KDM7A: variants seen among roughly 807,000 people sequenced by gnomAD.
KDM7A encodes the protein lysine demethylase 7A, also known as lysine-specific demethylase 7A.
KDM7A carries 28 observed loss-of-function variants against 114.8 expected under a neutral mutation model. The observed-to-expected ratio is 0.24, with a 90% CI of 0.18 to 0.33. The LOEUF (loss-of-function observed/expected upper bound fraction) is 0.33, where lower values mean the gene tolerates loss of function less well. KDM7A is among the 10% of genes least tolerant of loss of function. The pLI, the probability that KDM7A is intolerant of heterozygous loss-of-function variation, is 1.00. For synonymous variants in KDM7A, 423 were observed against 397.8 expected, an observed-to-expected ratio of 1.06 and a Z score of -0.75; for missense variants, 942 against 1,142.5, an observed-to-expected ratio of 0.82 and a Z score of 2.53.
intron 11 of KDM7A, among the ~76,000 whole-genome samples, chr7:140,104,326 C>A (rs1818289452): frequency 6.6e-6 from 1 of 152,126 alleles, no homozygotes; most frequent in Non-Finnish European, 1.5e-5. Context: ...TCCCATTTGT[C>A]AATTTTGGCT....
intron 1 of KDM7A, among the ~76,000 whole-genome samples, chr7:140,152,648 A>T (rs1216668102): frequency 1.3e-5 from 2 of 151,982 alleles, no homozygotes; most frequent in Non-Finnish European, 2.9e-5. Context: ...GAAATCCAAC[A>T]CAATTACAAA....
chr7:140,176,915 A>G lies in KDM7A; in HGVS notation c.23T>C (p.Val8Ala), dbSNP rs1047072526. 59 of 1,165,338 alleles carry G rather than the reference A, an allele frequency of 5.1e-5. No individual in the cohort carries two copies. The highest frequency in any genetic ancestry group is 1.5e-4 in the African/African-American group (9 of 60,246). 72.2% of individuals were successfully genotyped at this position (1,165,338 alleles called of 1,614,324 possible). Residue 8 changes from valine (V) to alanine (A), a missense_variant, in exon 1 of 20, where the codon GTG becomes GCG. This residue lies in a region of KDM7A where 112 missense variants were observed against 96.2 expected (regional missense o/e 1.16). Transcript: ENST00000397560. This position sits in a 1 kb window ranked among gnomAD's most constrained non-coding sequence, Gnocchi z 4.4. ...GGCTCCAGCTGCTGCTCCCGCGGCC[A>G]CCGCCGCCGCCGCTCCGGCCATCTT... MAGAAAA[V>A]AAGAAAGAAA... is the part of the protein sequence containing the mutation.
rs1794702458 is a variant in KDM7A, at chr7:140,176,078, C to T, written c.194+666G>A. On this transcript the variant is annotated intron_variant, in intron 1 of 19. Coordinates refer to ENST00000397560, the MANE Select transcript of KDM7A (RefSeq NM_030647.2). This position sits in a 1 kb window ranked among gnomAD's most constrained non-coding sequence, Gnocchi z 4.4. Reference sequence around the variant, plus strand: ...CCAACTTCCCCGGCACCTTTCAAGTCCCCGAGAGCGAGTGCCTCATCTGTT... The same window carrying T: ...CCAACTTCCCCGGCACCTTTCAAGTTCCCGAGAGCGAGTGCCTCATCTGTT... 6.6e-6 allele frequency among the ~76,000 whole-genome samples: 1 copy of T among 151,922 alleles called. No individual in the cohort carries two copies. Among genetic ancestry groups the T allele is most frequent in the African/African-American group, 2.4e-5 (1 of 41,412 alleles).
rs1451780446 is a variant in KDM7A at position 140,087,320 on chromosome 7, C to T, written c.*3774G>A. 9 of 152,286 alleles carry T rather than the reference C, an allele frequency of 5.9e-5. No individual in the cohort carries two copies. Among genetic ancestry groups the T allele is most frequent in the Middle Eastern group, 6.8e-3 (2 of 294 alleles). 9.4% of individuals were successfully genotyped at this position (152,286 alleles called of 1,614,324 possible). ...CCATCTTTCAGTTAAATCATCTTAACGTACTTGAGGATACACATTCTCACT... is the reference window on the plus strand; with the variant it reads ...CCATCTTTCAGTTAAATCATCTTAATGTACTTGAGGATACACATTCTCACT... On this transcript the variant is annotated 3_prime_UTR_variant, in exon 20 of 20. Coordinates refer to ENST00000397560, the MANE Select transcript of KDM7A (RefSeq NM_030647.2).
rs1817997627 is a variant in KDM7A at position 140,090,297 on chromosome 7, T to C, written c.*797A>G. 6.6e-6 allele frequency: 1 copy of C among 152,160 alleles called. No individual in the cohort carries two copies. The highest frequency in any genetic ancestry group is 1.5e-5 in the Non-Finnish European group (1 of 68,026). 9.4% of individuals were successfully genotyped at this position (152,160 alleles called of 1,614,324 possible). On this transcript the variant is annotated 3_prime_UTR_variant, in exon 20 of 20. Coordinates refer to ENST00000397560, the MANE Select transcript of KDM7A (RefSeq NM_030647.2). ...GAAATGAGAAATGAGGGATCTTTCATGGAGTTCTTACACATTGGCTACGAA... is the reference window on the plus strand; with the variant it reads ...GAAATGAGAAATGAGGGATCTTTCACGGAGTTCTTACACATTGGCTACGAA...
In KDM7A at chr7:140,147,903, G is replaced by C. The variant is rs558712420; in HGVS notation, c.195-8713C>G. On this transcript the variant is annotated intron_variant, in intron 1 of 19. Transcript: ENST00000397560. Reference sequence around the variant, plus strand: ...GCTCTACTTGTTTTGACTTGGAGCAGGTTTCTCAATCTGCCTGAGGAGCAG... The same window carrying C: ...GCTCTACTTGTTTTGACTTGGAGCACGTTTCTCAATCTGCCTGAGGAGCAG... 3.9e-5 allele frequency among the ~76,000 whole-genome samples: 6 copies of C among 152,340 alleles called. No individual in the cohort carries two copies. In the South Asian group the frequency reaches 1.2e-3, roughly 32 times the overall value.
chr7:140,133,177 CA>C (rs1818817158), intron 3 of KDM7A, among the ~76,000 whole-genome samples: 1 of 152,062 alleles, frequency 6.6e-6, no homozygotes, highest in Admixed American at 6.5e-5. Flanking sequence ...GAAGGTGAGG[CA>C]AAAGAAACAA....
intron 3 of KDM7A, among the ~76,000 whole-genome samples, chr7:140,130,871 T>TTTTTTA (rs1818773861): frequency 6.8e-6 from 1 of 147,204 alleles, no homozygotes; most frequent in African/African-American, 2.5e-5. Context: ...TTTTTTTTTT[T>TTTTTTA]GAGACAGAGT....
chr7:140,127,389 C>T, intron 5 of KDM7A, 53 bp downstream of exon 5: 1 of 1,454,454 alleles, frequency 6.9e-7, no homozygotes, highest in Non-Finnish European at 9.5e-7. Flanking sequence ...CATCATTACA[C>T]TACATTTAGC....
chr7:140,127,723 T>C, intron 4 of KDM7A, 140 bp from the exon 5 acceptor site: 1 of 765,478 alleles, frequency 1.3e-6, no homozygotes, highest in Middle Eastern at 2.5e-4. Context: ...TTCCCTATAC[T>C]CTTAATTTCT....
In KDM7A at chr7:140,086,906, A is replaced by C. The variant is rs1471909258; in HGVS notation, c.*4188T>G. ...TCTCTTTATGTGGCGAGCAATTAAC[A>C]ATATTTAATGAGAAAAATGAATTTT... On this transcript the variant is annotated 3_prime_UTR_variant, in exon 20 of 20. Coordinates refer to ENST00000397560, the MANE Select transcript of KDM7A (RefSeq NM_030647.2). The C allele has an allele frequency of 6.6e-6, 1 of 152,188 alleles. No individual in the cohort carries two copies. The highest frequency in any genetic ancestry group is 1.9e-4 in the East Asian group (1 of 5,206). 9.4% of individuals were successfully genotyped at this position (152,188 alleles called of 1,614,324 possible).
chr7:140,162,207 T>C (rs1030813341), intron 1 of KDM7A, among the ~76,000 whole-genome samples: 1 of 151,980 alleles, frequency 6.6e-6, no homozygotes, highest in Non-Finnish European at 1.5e-5. Context: ...TAGTGGCACA[T>C]GCCTGTAATT....
rs71520071 is a variant in KDM7A, at chr7:140,159,945, T to TAAA, written c.194+16796_194+16798dup. Among the ~76,000 whole-genome samples the TAAA allele has an allele frequency of 5.7e-3, 713 of 124,012 alleles. 17 individuals carry two copies. The highest frequency in any genetic ancestry group is 0.019 in the African/African-American group (634 of 32,686). 81.4% of individuals were successfully genotyped at this position (124,012 alleles called of 152,430 possible). ...AAGTTCTTCAATCCTTGACTTCCAT[T>TAAA]AAAAAAAAAAAAAAAAAAAACCTGT... On this transcript the variant is annotated intron_variant, in intron 1 of 19. Coordinates refer to ENST00000397560, the MANE Select transcript of KDM7A (RefSeq NM_030647.2).
chr7:140,134,488 C>A (rs780619077), intron 2 of KDM7A, among the ~76,000 whole-genome samples: 47 of 152,104 alleles, frequency 3.1e-4, no homozygotes, highest in Non-Finnish European at 3.7e-4. Context: ...GGACCTCATT[C>A]CTCTTTCCAG....
chr7:140,131,876 T>C (rs114145283), intron 3 of KDM7A, among the ~76,000 whole-genome samples: 2,911 of 152,298 alleles, frequency 0.019, 79 homozygotes, highest in African/African-American at 0.067. Context: ...CAAATTATGG[T>C]ACCTATAGAT....
chr7:140,157,089 A>G (rs1794465361), intron 1 of KDM7A, among the ~76,000 whole-genome samples: 3 of 152,374 alleles, frequency 2.0e-5, no homozygotes, highest in South Asian at 4.1e-4. Flanking sequence ...GTAATATTTA[A>G]TAATTACTGA....
At position 140,086,189 on chromosome 7, in the gene KDM7A, G is replaced by A. The variant is rs1240670410; in HGVS notation, c.*4905C>T. ...AAACTACTTGGAGATCAAGGGCTAC[G>A]TGGTAGCCAGGGTTTATTAGTGAAA... On this transcript the variant is annotated 3_prime_UTR_variant, in exon 20 of 20. Transcript: ENST00000397560. 5.3e-5 allele frequency: 8 copies of A among 152,196 alleles called. No individual in the cohort carries two copies. The highest frequency in any genetic ancestry group is 1.2e-4 in the African/African-American group (5 of 41,438). The allele number at this position is 152,196 out of a possible 1,614,324, so 9.4% of individuals were successfully genotyped here.
chr7:140,108,163 A>T (rs1818370706), intron 11 of KDM7A, among the ~76,000 whole-genome samples: 1 of 151,976 alleles, frequency 6.6e-6, no homozygotes, highest in Non-Finnish European at 1.5e-5. Context: ...TATTCTAGTT[A>T]GCCATTTGTC....
chr7:140,164,999 G>A (rs1170210285), intron 1 of KDM7A, among the ~76,000 whole-genome samples: 1 of 152,192 alleles, frequency 6.6e-6, no homozygotes, highest in Non-Finnish European at 1.5e-5. Flanking sequence ...CACCAACAAT[G>A]CCATGTATGC....
Sources: gnomAD v4.1 joint callset for allele counts (sites outside exome capture counted in the v4.1 genomes callset) on GRCh38, gnomAD v4.1.1 for gene constraint, gnomAD v4.1.1 regional missense constraint, Gnocchi (gnomAD v3.1) non-coding constraint, MANE v1.5 for transcripts, NCBI Gene and HGNC (gene_info 2026-07-23, HGNC 2026-07-21) for gene names.